MXI1: variants seen among roughly 807,000 people sequenced by gnomAD.
MXI1 encodes the protein MAX interactor 1, dimerization protein, also known as max-interacting protein 1.
Under a neutral mutation model 36.9 loss-of-function variants are expected in MXI1, and 18 were observed. The ratio of observed to expected loss-of-function variants is 0.49; its 90% CI spans 0.34 to 0.72. The LOEUF is 0.72. MXI1 is among the 30% of genes least tolerant of loss of function. The pLI is 0.01. For missense variants in MXI1, 304 were observed against 379.1 expected (o/e 0.80, Z 1.64); for synonymous variants, 160 against 146.7 (o/e 1.09, Z -0.65).
chr10:110,225,944 G>A, intron 1 of MXI1: 1 of 904,332 alleles, frequency 1.1e-6, no homozygotes, highest in Non-Finnish European at 1.3e-6. Flanking sequence ...GGGCGGGAGG[G>A]GGCGGGCCCC....
At chr10:110,264,352 A>G (rs1418324891) in intron 3 of MXI1, among the ~76,000 whole-genome samples, 1 of 151,436 alleles carries the variant, frequency 6.6e-6, no homozygotes, top group Non-Finnish European at 1.5e-5. Flanking sequence ...CTTAGAAAGA[A>G]ATATATTAGT....
chr10:110,239,659 G>T (rs1450981102), intron 2 of MXI1, among the ~76,000 whole-genome samples: 1 of 151,968 alleles, frequency 6.6e-6, no homozygotes, highest in Non-Finnish European at 1.5e-5. Context: ...AAGCACATTT[G>T]TTTGAGATGT....
intron 1 of MXI1, among the ~76,000 whole-genome samples, chr10:110,216,116 C>T (rs1426639208): frequency 6.6e-6 from 1 of 152,218 alleles, no homozygotes; most frequent in African/African-American, 2.4e-5. Context: ...TTTGCTTCCT[C>T]ATCTTGGCAG....
At chr10:110,236,124 C>A (rs200075603) in intron 2 of MXI1, among the ~76,000 whole-genome samples, 4 of 33,540 alleles carry the variant, frequency 1.2e-4, no homozygotes, top group Non-Finnish European at 2.2e-4. Context: ...GGTTGAAGTT[C>A]TTTTTTTTTT....
At chr10:110,276,941 G>A (rs1857055869) in intron 3 of MXI1, among the ~76,000 whole-genome samples, 1 of 151,736 alleles carries the variant, frequency 6.6e-6, no homozygotes, top group Non-Finnish European at 1.5e-5. Context: ...CACCTGCTGG[G>A]TTCAAGCGAT....
At chr10:110,211,812 T>A (rs1006965813) in intron 1 of MXI1, among the ~76,000 whole-genome samples, 3 of 152,200 alleles carry the variant, frequency 2.0e-5, no homozygotes, top group African/African-American at 7.2e-5. Context: ...CTGATGTGAA[T>A]CTCTACGGAT....
chr10:110,210,810 C>A (rs1325626778), intron 1 of MXI1, among the ~76,000 whole-genome samples: 19 of 152,268 alleles, frequency 1.2e-4, no homozygotes, highest in Admixed American at 1.2e-3. Flanking sequence ...GTGTGCACAG[C>A]AATAACGCGA....
intron 2 of MXI1, among the ~76,000 whole-genome samples, chr10:110,232,310 G>A (rs148459147): frequency 1.1e-4 from 16 of 152,106 alleles, no homozygotes; most frequent in African/African-American, 2.9e-4. Context: ...TTCAGTACGC[G>A]TTTTCTTCTA....
chr10:110,276,906 C>T (rs780576915), intron 3 of MXI1, among the ~76,000 whole-genome samples: 9 of 150,524 alleles, frequency 6.0e-5, no homozygotes, highest in African/African-American at 9.8e-5. Flanking sequence ...AATGCAGTGG[C>T]GCCATCTTGG....
chr10:110,218,388 T>G (rs552316487), intron 1 of MXI1, among the ~76,000 whole-genome samples: 10 of 148,860 alleles, frequency 6.7e-5, no homozygotes, highest in African/African-American at 2.2e-4. Flanking sequence ...AGGCGGTGCT[T>G]GCAGTGAGCC....
chr10:110,233,149 A>G (rs775450062), intron 2 of MXI1, among the ~76,000 whole-genome samples: 2 of 152,166 alleles, frequency 1.3e-5, no homozygotes, highest in Non-Finnish European at 2.9e-5. Flanking sequence ...AAAGAATCTC[A>G]TAAAAGCAGT....
At chr10:110,257,862 C>A (rs530693957) in intron 3 of MXI1, 2 of 299,974 alleles carry the variant, frequency 6.7e-6, no homozygotes, top group South Asian at 3.7e-5. Context: ...GTTTAAAAAA[C>A]AAACAAACAA....
chr10:110,268,909 T>C (rs1856769158), intron 3 of MXI1, among the ~76,000 whole-genome samples: 1 of 152,144 alleles, frequency 6.6e-6, no homozygotes, highest in African/African-American at 2.4e-5. Flanking sequence ...TTTCCAGAGG[T>C]TGCAAATGGC....
Position 110,285,041 on chromosome 10 carries a change from A to G in MXI1, c.*54A>G. On this transcript the variant is annotated 3_prime_UTR_variant, in exon 6 of 6. Coordinates refer to ENST00000332674, the MANE Select transcript of MXI1 (RefSeq NM_130439.3). ...AAAATATTCACTGGGCCAATTCAAT[A>G]CAAACAATCTCTTAAATTGGGTTCA... is the stretch of plus-strand genomic sequence containing the variant. 3 of 1,502,312 alleles carry G rather than the reference A, an allele frequency of 2.0e-6. No individual in the cohort carries two copies. The highest frequency in any genetic ancestry group is 2.7e-6 in the Non-Finnish European group (3 of 1,116,152). The allele number at this position is 1,502,312 out of a possible 1,614,324, so 93.1% of individuals were successfully genotyped here. A position where few individuals can be genotyped will look rare whatever the true frequency, so the allele number is the denominator to read the frequency against.
intron 1 of MXI1, among the ~76,000 whole-genome samples, chr10:110,224,493 G>A (rs1363218015): frequency 6.6e-6 from 1 of 152,150 alleles, no homozygotes; most frequent in African/African-American, 2.4e-5. Context: ...TGCAAAGCAC[G>A]GAACAGAGCT....
intron 3 of MXI1, among the ~76,000 whole-genome samples, chr10:110,261,973 T>C (rs1458667741): frequency 2.0e-5 from 3 of 152,116 alleles, no homozygotes; most frequent in African/African-American, 7.2e-5. Flanking sequence ...AAAAGAATGA[T>C]GTAGATGTGT....
At chr10:110,212,740 A>G (rs1278007996) in intron 1 of MXI1, among the ~76,000 whole-genome samples, 2 of 152,228 alleles carry the variant, frequency 1.3e-5, no homozygotes, top group East Asian at 3.8e-4. Flanking sequence ...TATCATTGTC[A>G]AACAACTCAA....
At chr10:110,213,730 A>C (rs1222759267) in intron 1 of MXI1, among the ~76,000 whole-genome samples, 2 of 152,218 alleles carry the variant, frequency 1.3e-5, no homozygotes, top group Non-Finnish European at 2.9e-5. Context: ...ACCAAGGCAA[A>C]ACAGTAGCTG....
At chr10:110,274,068 G>A (rs1397992003) in intron 3 of MXI1, among the ~76,000 whole-genome samples, 1 of 152,134 alleles carries the variant, frequency 6.6e-6, no homozygotes, top group Non-Finnish European at 1.5e-5. Context: ...TACTAGTAGA[G>A]GCCATTTTAT....
Sources: allele counts gnomAD v4.1 joint callset (sites outside exome capture counted in the v4.1 genomes callset), GRCh38; gene constraint gnomAD v4.1.1; transcripts MANE v1.5; gene names NCBI Gene and HGNC (gene_info 2026-07-23, HGNC 2026-07-21).